SSBP2: variants seen among roughly 807,000 people sequenced by gnomAD.
SSBP2 encodes the protein single-stranded DNA-binding protein 2.
A neutral mutation model predicts 61.8 loss-of-function variants in SSBP2; 17 were observed. The observed-to-expected ratio is 0.28, with a 90% confidence interval of 0.19 to 0.41. SSBP2 has a LOEUF of 0.41. SSBP2 is among the 10% of genes least tolerant of loss of function. The pLI is 1.00. For synonymous variants in SSBP2, 139 were observed against 141.3 expected, an observed-to-expected ratio of 0.98 and a Z score of 0.12; for missense variants, 310 against 458.7, an observed-to-expected ratio of 0.68 and a Z score of 2.96.
intron 1 of SSBP2, among the ~76,000 whole-genome samples, chr5:81,745,412 GTTTAA>G: frequency 6.6e-6 from 1 of 152,210 alleles, no homozygotes; most frequent in East Asian, 1.9e-4. Context: ...TTGATCAAAT[GTTTAA>G]AATCGGGAAT....
At position 81,588,208 on chromosome 5, in the gene SSBP2, GC is replaced by G. The variant is rs1203304604; in HGVS notation, c.282+27264del. Among the ~76,000 whole-genome samples the G allele has an allele frequency of 7.8e-3, 1,180 of 152,190 alleles. 15 individuals carry two copies. The highest frequency in any genetic ancestry group is 0.027 in the African/African-American group (1,137 of 41,502). ...CTTGAACTCCTGGGCCTCCCAAAGT[GC>G]TGGGATTACAGGCATGAGCCACCAT... On this transcript the variant is annotated intron_variant, in intron 4 of 16. Coordinates refer to ENST00000320672, the MANE Select transcript of SSBP2 (RefSeq NM_012446.5).
chr5:81,559,908 T>C (rs527407612), intron 4 of SSBP2, among the ~76,000 whole-genome samples: 1 of 152,160 alleles, frequency 6.6e-6, no homozygotes, highest in Non-Finnish European at 1.5e-5. Context: ...TGTCCATAAG[T>C]AATCTAAAAT....
chr5:81,588,342 T>A (rs1479882863), intron 4 of SSBP2, among the ~76,000 whole-genome samples: 1 of 152,016 alleles, frequency 6.6e-6, no homozygotes, highest in African/African-American at 2.4e-5. Flanking sequence ...TAGGGAGATA[T>A]TATTTTCCTA....
At chr5:81,621,968 AG>A (rs1325535320) in intron 3 of SSBP2, among the ~76,000 whole-genome samples, 3 of 73,784 alleles carry the variant, frequency 4.1e-5, no homozygotes, top group South Asian at 1.2e-3. Context: ...GGGTCGGGGG[AG>A]GGGGGAGGGA....
intron 4 of SSBP2, among the ~76,000 whole-genome samples, chr5:81,520,473 C>T (rs540942529): frequency 1.5e-4 from 23 of 151,698 alleles, no homozygotes; most frequent in East Asian, 3.9e-4. Flanking sequence ...CAATGATTTA[C>T]GAAAAAAATG....
intron 1 of SSBP2, among the ~76,000 whole-genome samples, chr5:81,658,243 A>C (rs1750393493): frequency 6.6e-6 from 1 of 152,136 alleles, no homozygotes; most frequent in South Asian, 2.1e-4. Context: ...CCCGATGACC[A>C]CCATTCTATG....
intron 4 of SSBP2, among the ~76,000 whole-genome samples, chr5:81,614,044 T>C (rs1745731769): frequency 6.6e-6 from 1 of 152,170 alleles, no homozygotes; most frequent in South Asian, 2.1e-4. Context: ...CACTCTCACT[T>C]GAATAAGGTT....
At chr5:81,479,033 T>C (rs1384800806) in intron 6 of SSBP2, among the ~76,000 whole-genome samples, 2 of 152,214 alleles carry the variant, frequency 1.3e-5, no homozygotes, top group Admixed American at 1.3e-4. Flanking sequence ...AGTGTTTTTA[T>C]CTAAATTTAA....
At chr5:81,492,706 T>C (rs988785468) in intron 5 of SSBP2, among the ~76,000 whole-genome samples, 7 of 151,998 alleles carry the variant, frequency 4.6e-5, no homozygotes, top group Non-Finnish European at 7.4e-5. Context: ...TGTGTGGAAA[T>C]AACATTTGAC....
intron 6 of SSBP2, among the ~76,000 whole-genome samples, chr5:81,481,060 T>C (rs1403338216): frequency 6.6e-6 from 1 of 152,190 alleles, no homozygotes; most frequent in African/African-American, 2.4e-5. Flanking sequence ...CACTTCTAAT[T>C]CTAGTTCTCC....
intron 10 of SSBP2, among the ~76,000 whole-genome samples, chr5:81,457,442 A>G (rs528914296): frequency 1.4e-3 from 214 of 152,374 alleles, no homozygotes; most frequent in Non-Finnish European, 2.4e-3. Flanking sequence ...AAGAATCATC[A>G]ATAGATGTCC....
chr5:81,596,686 A>G (rs1446825541), intron 4 of SSBP2, among the ~76,000 whole-genome samples: 1 of 58,020 alleles, frequency 1.7e-5, no homozygotes, highest in South Asian at 6.1e-4. Context: ...ATAATACCCC[A>G]CATCTACAAC....
At chr5:81,714,144 G>A (rs1287700324) in intron 1 of SSBP2, among the ~76,000 whole-genome samples, 3 of 152,090 alleles carry the variant, frequency 2.0e-5, no homozygotes, top group Non-Finnish European at 2.9e-5. Context: ...ACTTATAACT[G>A]AGAACAGGCG....
chr5:81,704,236 C>T (rs1186168062), intron 1 of SSBP2, among the ~76,000 whole-genome samples: 2 of 152,178 alleles, frequency 1.3e-5, no homozygotes, highest in African/African-American at 4.8e-5. Context: ...GGCAGGCTTT[C>T]ACTATCTCTA....
At chr5:81,726,856 T>C (rs532268465) in intron 1 of SSBP2, among the ~76,000 whole-genome samples, 1 of 152,344 alleles carries the variant, frequency 6.6e-6, no homozygotes, top group African/African-American at 2.4e-5. Context: ...ACAGCATTAA[T>C]TGAATGAACT....
At chr5:81,611,541 A>C (rs1026947498) in intron 4 of SSBP2, among the ~76,000 whole-genome samples, 4 of 152,166 alleles carry the variant, frequency 2.6e-5, no homozygotes, top group African/African-American at 9.6e-5. Flanking sequence ...TGTAAGTTAA[A>C]AATGCATGCT....
intron 4 of SSBP2, among the ~76,000 whole-genome samples, chr5:81,530,442 C>T (rs1421611532): frequency 6.6e-6 from 1 of 151,890 alleles, no homozygotes; most frequent in Non-Finnish European, 1.5e-5. Flanking sequence ...CATCCTTGCC[C>T]ACTGCCACTG....
At chr5:81,750,849 AC>A (rs1757719355) in intron 1 of SSBP2, 131 bp downstream of exon 1, 1 of 988,232 alleles carries the variant, frequency 1.0e-6, no homozygotes, top group Non-Finnish European at 1.5e-6. Context: ...CCATCGCGGC[AC>A]CCCTCCCCCT....
chr5:81,543,799 T>C (rs4607338), intron 4 of SSBP2, among the ~76,000 whole-genome samples: 34,490 of 152,120 alleles, frequency 0.23, 5,011 homozygotes, highest in Middle Eastern at 0.36. Context: ...ATAAATGTCA[T>C]TTAAAACAAG....
Sources: allele counts gnomAD v4.1 joint callset (sites outside exome capture counted in the v4.1 genomes callset), GRCh38; gene constraint gnomAD v4.1.1; transcripts MANE v1.5; gene names NCBI Gene and HGNC (gene_info 2026-07-23, HGNC 2026-07-21).